The following POC1B variants were observed in gnomAD, a reference collection of about 807,000 sequenced individuals.
POC1B encodes the protein POC1 centriolar protein homolog B.
In POC1B, 44 loss-of-function variants were observed where a neutral mutation model predicts 60.6. The ratio of observed to expected loss-of-function variants is 0.73; its 90% CI spans 0.57 to 0.93. The LOEUF (loss-of-function observed/expected upper bound fraction) is 0.93, where lower values mean the gene tolerates loss of function less well. Among genes scored for constraint, POC1B ranks in the 40% least tolerant of loss-of-function variants. The pLI is 0.00. For missense variants in POC1B, 555 were observed against 572.3 expected, an observed-to-expected ratio of 0.97 and a Z score of 0.31; for synonymous variants, 180 against 198.9, an observed-to-expected ratio of 0.90 and a Z score of 0.80.
chr12:89,508,859 C>A (rs1870034913), intron 2 of POC1B, among the ~76,000 whole-genome samples: 2 of 152,182 alleles, frequency 1.3e-5, no homozygotes, highest in African/African-American at 4.8e-5. Context: ...GTTTGTTTCC[C>A]CTTAGGCTAT....
rs778888187 is a variant in POC1B at position 89,466,809 on chromosome 12, T to C, written c.993A>G (p.Arg331=). 4 of 1,613,240 alleles carry C rather than the reference T, an allele frequency of 2.5e-6. No individual in the cohort carries two copies. The South Asian group carries it at 4.4e-5, about 18-fold the overall frequency. The part of the protein sequence containing the change: ...SPPHLLDIYP[R]TPHPHEEKVE... ...CTTTTTCCTCATGGGGATGTGGTGT[T>C]CTTGGGTAGATATCAAGAAGATGTG... Residue 331 remains arginine (R), a synonymous_variant, in exon 9 of 12, where the codon AGA becomes AGG. Coordinates refer to ENST00000313546, the MANE Select transcript of POC1B (RefSeq NM_172240.3).
intron 2 of POC1B, chr12:89,501,420 T>C: frequency 1.0e-6 from 1 of 1,002,476 alleles, no homozygotes; most frequent in East Asian, 2.4e-5. Context: ...TGGGACAGAC[T>C]AAAGATGAAA....
chr12:89,425,607 T>C, intron 10 of POC1B: 1 of 384,688 alleles, frequency 2.6e-6, no homozygotes, highest in South Asian at 4.4e-5. Flanking sequence ...TTGACTTTCT[T>C]TTCAATGAAA....
Position 89,421,219 on chromosome 12 carries a change from C to A in POC1B, c.1371G>T (p.Glu457Asp), listed in dbSNP as rs770218921. 1.9e-6 allele frequency: 3 copies of A among 1,603,052 alleles called. No individual in the cohort carries two copies. The highest frequency in any genetic ancestry group is 2.6e-6 in the Non-Finnish European group (3 of 1,171,522). Residue 457 changes from glutamate to aspartate, a missense_variant, in exon 12 of 12, where the codon GAG (glutamate) becomes GAT (aspartate). Physicochemically the swap from Glu to Asp is conservative, Grantham distance 45. Coordinates refer to ENST00000313546, the MANE Select transcript of POC1B (RefSeq NM_172240.3). ...SILEQRLTLT[E>D]DKLKDCLENQ... ...TTTCAAGGCAGTCTTTCAGCTTATC[C>A]TCTGTCAAAGTCAGTCGCTGCTCCA...
intron 9 of POC1B, among the ~76,000 whole-genome samples, chr12:89,463,324 G>A (rs1304736758): frequency 6.6e-6 from 1 of 152,178 alleles, no homozygotes; most frequent in African/African-American, 2.4e-5. Flanking sequence ...CTATTTTGAT[G>A]CTTTACTGTC....
intron 10 of POC1B, among the ~76,000 whole-genome samples, chr12:89,451,530 A>G (rs569859452): frequency 6.6e-6 from 1 of 152,326 alleles, no homozygotes; most frequent in African/African-American, 2.4e-5. Context: ...GTTTCAGGAT[A>G]TATGATTGTG....
At chr12:89,523,371 G>A (rs1871097360) in intron 2 of POC1B, 5 of 1,614,024 alleles carry the variant, frequency 3.1e-6, no homozygotes, top group East Asian at 4.5e-5. Context: ...TATTGTAGAA[G>A]TGCTCTTTGT....
At chr12:89,525,459 G>C in intron 1 of POC1B, 2 of 1,346,408 alleles carry the variant, frequency 1.5e-6, no homozygotes, top group South Asian at 3.7e-5. Context: ...CCAGCGCATC[G>C]CAGGAACCGC....
chr12:89,441,327 C>T lies in POC1B; in HGVS notation c.1114-15948G>A, dbSNP rs1881508598. Reference sequence around the variant, plus strand: ...AGACAGATTGCCTCCTCAAGTGGGTCCCTGACCCCCGAGTAGCCTAACTGG... The same window carrying T: ...AGACAGATTGCCTCCTCAAGTGGGTTCCTGACCCCCGAGTAGCCTAACTGG... On this transcript the variant is annotated intron_variant, in intron 10 of 11. Coordinates refer to ENST00000313546, the MANE Select transcript of POC1B (RefSeq NM_172240.3). 2.0e-5 allele frequency among the ~76,000 whole-genome samples: 3 copies of T among 152,186 alleles called. No individual in the cohort carries two copies. The South Asian group carries it at 6.2e-4, about 31-fold the overall frequency.
intron 10 of POC1B, among the ~76,000 whole-genome samples, chr12:89,457,399 A>G (rs1200563217): frequency 3.3e-5 from 5 of 152,214 alleles, no homozygotes; most frequent in Non-Finnish European, 7.4e-5. Flanking sequence ...CACATTGAAA[A>G]TTTAAAGAAA....
chr12:89,444,094 A>T (rs2120736759), intron 10 of POC1B, among the ~76,000 whole-genome samples: 1 of 152,332 alleles, frequency 6.6e-6, no homozygotes, highest in East Asian at 1.9e-4. Context: ...ACAGGCTCTG[A>T]AACTGAGGCA....
At chr12:89,493,061 T>C (rs756757716) in intron 3 of POC1B, among the ~76,000 whole-genome samples, 13 of 152,122 alleles carry the variant, frequency 8.5e-5, no homozygotes, top group Non-Finnish European at 1.3e-4. Flanking sequence ...GCCCAAGTAC[T>C]TTGGTGAGGT....
At chr12:89,408,145 T>G in the POC1B span, among the ~76,000 whole-genome samples, 1 of 152,220 alleles carries the variant, frequency 6.6e-6, no homozygotes, top group Non-Finnish European at 1.5e-5. Flanking sequence ...CTCATCCTTT[T>G]TTAGGGCTGC....
rs56654469 is a variant in POC1B, at chr12:89,510,763, C to CTT, written c.101-13423_101-13422dup. ...CTGGAGGAAGAAATATGTTTTTATT[C>CTT]TTTTTTTTTTTTGATATGGAGTCTC... On this transcript the variant is annotated intron_variant, in intron 2 of 11. Transcript: ENST00000313546. 5.8e-5 allele frequency among the ~76,000 whole-genome samples: 8 copies of CTT among 139,068 alleles called. 2 individuals carry two copies. The highest frequency in any genetic ancestry group is 7.2e-5 in the Admixed American group (1 of 13,832). 91.2% of individuals were successfully genotyped at this position (139,068 alleles called of 152,430 possible).
chr12:89,519,460 T>C (rs2135770069), intron 2 of POC1B: 1 of 152,214 alleles, frequency 6.6e-6, no homozygotes, highest in South Asian at 2.1e-4. Context: ...TTAATCAACA[T>C]TACAAATACA....
intron 6 of POC1B, 129 bp downstream of exon 6, chr12:89,471,485 T>G (rs1592609332): frequency 1.6e-6 from 1 of 643,546 alleles, no homozygotes; most frequent in East Asian, 3.2e-5. Flanking sequence ...CTAATTATAC[T>G]ATTCTCTAGC....
Position 89,421,292 on chromosome 12 carries a change from T to A in POC1B, c.1333-35A>T, listed in dbSNP as rs762636790. Reference sequence around the variant, plus strand: ...GGAGGATAAAATAATCAATGCCTGGTCCTCTGGTGGTGAGGATGACAATGA... The same window carrying A: ...GGAGGATAAAATAATCAATGCCTGGACCTCTGGTGGTGAGGATGACAATGA... On this transcript the variant is annotated intron_variant, in intron 11 of 11. Transcript: ENST00000313546. 9 of 1,504,826 alleles carry A rather than the reference T, an allele frequency of 6.0e-6. No individual in the cohort carries two copies. The South Asian group carries it at 1.1e-4, about 18-fold the overall frequency. 93.2% of individuals were successfully genotyped at this position (1,504,826 alleles called of 1,614,324 possible).
rs12313447 is a variant in POC1B, at chr12:89,514,502, G to A, written c.100+10618C>T. 7.9e-3 allele frequency among the ~76,000 whole-genome samples: 1,062 copies of A among 134,110 alleles called. 12 individuals carry two copies. Among genetic ancestry groups the A allele is most frequent in the African/African-American group, 0.027 (980 of 35,974 alleles). 88.0% of individuals were successfully genotyped at this position (134,110 alleles called of 152,430 possible). A position where few individuals can be genotyped will look rare whatever the true frequency, so the allele number is the denominator to read the frequency against. On this transcript the variant is annotated intron_variant, in intron 2 of 11. Transcript: ENST00000313546. ...CGGCTCATTGCAGCCTTTGCCTCCC[G>A]GGTTCAAGCAATTCTCCTCCCTCAG...
intron 2 of POC1B, chr12:89,502,232 G>A: frequency 8.0e-7 from 1 of 1,254,084 alleles, no homozygotes; most frequent in Admixed American, 1.9e-5. Context: ...GAAGTTCCTG[G>A]AAGTTCAGAT....
Sources: allele counts gnomAD v4.1 joint callset (sites outside exome capture counted in the v4.1 genomes callset), GRCh38; gene constraint gnomAD v4.1.1; transcripts MANE v1.5; gene names NCBI Gene and HGNC (gene_info 2026-07-23, HGNC 2026-07-21).